RSRC1: variants seen among roughly 807,000 people sequenced by gnomAD.
RSRC1 encodes arginine and serine rich coiled-coil 1, also known as serine/Arginine-related protein 53.
Under a neutral mutation model 49.1 loss-of-function variants are expected in RSRC1, and 39 were observed. The observed-to-expected ratio is 0.79, with a 90% confidence interval of 0.61 to 1.04. RSRC1 has a LOEUF of 1.04. RSRC1 is among the 50% of genes least tolerant of loss of function. RSRC1 has a pLI of 0.00. For missense variants in RSRC1, 388 were observed against 402.4 expected, an observed-to-expected ratio of 0.96 and a Z score of 0.31; for synonymous variants, 143 against 130.8, an observed-to-expected ratio of 1.09 and a Z score of -0.63.
intron 4 of RSRC1, among the ~76,000 whole-genome samples, chr3:158,242,811 G>A (rs893733533): frequency 5.9e-5 from 9 of 152,044 alleles, no homozygotes; most frequent in Admixed American, 2.6e-4. Context: ...AATCTGTGAT[G>A]TTGAGCTTTT....
intron 7 of RSRC1, among the ~76,000 whole-genome samples, chr3:158,493,804 G>C (rs532889331): frequency 6.6e-4 from 100 of 152,276 alleles, no homozygotes; most frequent in East Asian, 2.1e-3. Flanking sequence ...CTGAGACTCA[G>C]CTGGTTGTCA....
chr3:158,145,093 C>T (rs1717002232), intron 3 of RSRC1, among the ~76,000 whole-genome samples: 1 of 152,140 alleles, frequency 6.6e-6, no homozygotes. Context: ...CCTGTTCACT[C>T]TGATGGTAGT....
rs1372520365 is a variant in RSRC1 at position 158,422,708 on chromosome 3, C to T, written c.584-38227C>T. 7.0e-3 allele frequency among the ~76,000 whole-genome samples: 1,050 copies of T among 150,788 alleles called. 12 individuals carry two copies. The highest frequency in any genetic ancestry group is 0.025 in the African/African-American group (1,019 of 40,836). ...GTCCCACCAACAGTGTAAAAGTGTT[C>T]CTATTTCTCCACATGCTCTCCAGCA... On this transcript the variant is annotated intron_variant, in intron 6 of 9. Coordinates refer to ENST00000611884, the MANE Select transcript of RSRC1 (RefSeq NM_001271838.2).
intron 7 of RSRC1, among the ~76,000 whole-genome samples, chr3:158,476,103 C>G (rs1041508817): frequency 4.6e-5 from 7 of 152,156 alleles, no homozygotes; most frequent in African/African-American, 1.7e-4. Context: ...ATCAAACCAG[C>G]TACAACATTC....
intron 6 of RSRC1, among the ~76,000 whole-genome samples, chr3:158,444,903 A>T (rs1379403025): frequency 3.3e-5 from 5 of 152,216 alleles, no homozygotes; most frequent in African/African-American, 1.2e-4. Flanking sequence ...ACATGAAAAA[A>T]TGCTCATCAT....
At position 158,122,149 on chromosome 3, in the gene RSRC1, G is replaced by T; in HGVS notation, c.45G>T (p.Lys15Asn). Residue 15 changes from lysine to asparagine, a missense_variant, in exon 2 of 10, where the codon AAG becomes AAT. Transcript: ENST00000611884. Reference protein sequence around the residue: ...SSDTEEESRSKRKKKHRRRSS... With the variant: ...SSDTEEESRSNRKKKHRRRSS... ...ATACTGAAGAAGAAAGCAGAAGCAA[G>T]AGAAAAAAGAAACACCGTAGACGGT... The T allele has an allele frequency of 6.4e-7, 1 of 1,567,064 alleles. No homozygotes were observed. The highest frequency in any genetic ancestry group is 8.6e-7 in the Non-Finnish European group (1 of 1,157,956).
intron 5 of RSRC1, among the ~76,000 whole-genome samples, chr3:158,328,855 C>T (rs901303786): frequency 6.6e-6 from 1 of 152,196 alleles, no homozygotes; most frequent in East Asian, 1.9e-4. Context: ...TCCATTCTCC[C>T]CATCACTTTC....
chr3:158,180,538 T>G (rs79285026), intron 3 of RSRC1, among the ~76,000 whole-genome samples: 4,494 of 150,990 alleles, frequency 0.03, 224 homozygotes, highest in African/African-American at 0.1. Context: ...CATGGCTCAC[T>G]GTAGCCTCTT....
At chr3:158,139,031 G>T (rs1377553191) in intron 3 of RSRC1, among the ~76,000 whole-genome samples, 2 of 152,036 alleles carry the variant, frequency 1.3e-5, no homozygotes, top group Non-Finnish European at 2.9e-5. Context: ...CATCATATTT[G>T]TTCTGTTTTC....
intron 5 of RSRC1, among the ~76,000 whole-genome samples, chr3:158,326,240 G>T (rs1208887707): frequency 6.6e-6 from 1 of 152,096 alleles, no homozygotes; most frequent in East Asian, 1.9e-4. Flanking sequence ...CTGCCTGATT[G>T]CCCTGGCCAG....
chr3:158,121,959 T>C (rs1320748205), intron 1 of RSRC1, 144 bp from the exon 2 acceptor site: 3 of 447,948 alleles, frequency 6.7e-6, no homozygotes, highest in African/African-American at 2.1e-5. Context: ...GAGCAATGAT[T>C]GTACCACTAC....
At chr3:158,289,163 A>G (rs1440678930) in intron 4 of RSRC1, among the ~76,000 whole-genome samples, 1 of 152,160 alleles carries the variant, frequency 6.6e-6, no homozygotes, top group Non-Finnish European at 1.5e-5. Context: ...GTTCTTTTAC[A>G]TCAGATCTAC....
At chr3:158,498,931 G>T (rs1739469059) in intron 7 of RSRC1, among the ~76,000 whole-genome samples, 1 of 152,094 alleles carries the variant, frequency 6.6e-6, no homozygotes, top group Admixed American at 6.5e-5. Flanking sequence ...TAGTCTATGT[G>T]CCTATTTTTA....
chr3:158,310,772 T>G (rs1196658342), intron 5 of RSRC1, among the ~76,000 whole-genome samples: 2 of 151,846 alleles, frequency 1.3e-5, no homozygotes, highest in African/African-American at 4.8e-5. Context: ...TTAGAAAATT[T>G]TGAAGTATCT....
chr3:158,203,097 T>A lies in RSRC1; in HGVS notation c.346T>A (p.Ser116Thr). The A allele has an allele frequency of 6.2e-7, 1 of 1,613,480 alleles. No individual in the cohort carries two copies. Among genetic ancestry groups the A allele is most frequent in the Non-Finnish European group, 8.5e-7 (1 of 1,179,624 alleles). ...RRSRSRPRLR[S>T]HSRSSERSSH... ...GTCCAGGTCAAGACCTCGTCTCCGTTCTCATAGTCGTAGCAGTGAAAGGTC... is the reference window on the plus strand; with the variant it reads ...GTCCAGGTCAAGACCTCGTCTCCGTACTCATAGTCGTAGCAGTGAAAGGTC... The change falls in exon 4 of 10, where the codon TCT becomes ACT. Residue 116 changes from serine to threonine, a missense_variant. Coordinates refer to ENST00000611884, the MANE Select transcript of RSRC1 (RefSeq NM_001271838.2).
At chr3:158,324,220 A>G (rs948454002) in intron 5 of RSRC1, among the ~76,000 whole-genome samples, 7 of 126,712 alleles carry the variant, frequency 5.5e-5, no homozygotes, top group African/African-American at 2.1e-4. Context: ...CAACATGGTG[A>G]GCATCATTGT....
At chr3:158,152,369 G>A (rs1045747879) in intron 3 of RSRC1, among the ~76,000 whole-genome samples, 9 of 152,208 alleles carry the variant, frequency 5.9e-5, no homozygotes, top group African/African-American at 2.2e-4. Context: ...TCAGTCCTGG[G>A]CCAAGCAGGA....
chr3:158,469,410 T>G (rs1158389591), intron 7 of RSRC1: 1 of 444,714 alleles, frequency 2.2e-6, no homozygotes, highest in Non-Finnish European at 4.5e-6. Flanking sequence ...GATGCATATA[T>G]GATTCCTGTC....
intron 1 of RSRC1, 25 bp from the exon 2 acceptor site, chr3:158,122,078 A>G (rs1392950007): frequency 7.2e-7 from 1 of 1,391,054 alleles, no homozygotes; most frequent in South Asian, 1.6e-5. Context: ...GTTAGAAATA[A>G]TATTCTTCAA....
Sources: gnomAD v4.1 joint callset for allele counts (sites outside exome capture counted in the v4.1 genomes callset) on GRCh38, gnomAD v4.1.1 for gene constraint, MANE v1.5 for transcripts, NCBI Gene and HGNC (gene_info 2026-07-23, HGNC 2026-07-21) for gene names.